Variants in CACNA2D2 observed in about 807,000 individuals in gnomAD.
CACNA2D2 encodes the protein calcium voltage-gated channel auxiliary subunit alpha2delta 2, also known as voltage-dependent calcium channel subunit alpha-2/delta-2.
A neutral mutation model predicts 166.4 loss-of-function variants in CACNA2D2; 48 were observed. That is an observed-to-expected ratio of 0.29 (90% CI 0.23 to 0.37). The LOEUF is 0.37. Ranked by LOEUF, CACNA2D2 falls within the 10% of genes least tolerant of loss-of-function variation. The pLI, the probability that CACNA2D2 is intolerant of heterozygous loss-of-function variation, is 1.00. For synonymous variants in CACNA2D2, 561 were observed against 573.7 expected (o/e 0.98, Z 0.32); for missense variants, 1,122 against 1,433.0 (o/e 0.78, Z 3.50).
intron 1 of CACNA2D2, among the ~76,000 whole-genome samples, chr3:50,496,116 C>T (rs1026651941): frequency 3.9e-5 from 6 of 152,212 alleles, no homozygotes; most frequent in East Asian, 1.9e-4. Flanking sequence ...TTTGCCCAGC[C>T]GAGCCCTGGC....
chr3:50,434,528 T>C, intron 2 of CACNA2D2, 99 bp from the exon 3 acceptor site: 1 of 853,016 alleles, frequency 1.2e-6, no homozygotes, highest in South Asian at 1.4e-5. Flanking sequence ...CAGCACAGTA[T>C]TCACCCGCAC....
At chr3:50,474,844 T>C (rs1467824014) in intron 2 of CACNA2D2, among the ~76,000 whole-genome samples, 1 of 152,126 alleles carries the variant, frequency 6.6e-6, no homozygotes, top group Admixed American at 6.5e-5. Context: ...TCTACAGCAC[T>C]TTCTCTGGAA....
chr3:50,442,423 T>C (rs1199051247), intron 2 of CACNA2D2, among the ~76,000 whole-genome samples: 2 of 152,212 alleles, frequency 1.3e-5, no homozygotes, highest in Non-Finnish European at 2.9e-5. Flanking sequence ...GCAGCTTCCC[T>C]GAGCCCCTGC....
chr3:50,480,641 C>T (rs1381176625), intron 1 of CACNA2D2, among the ~76,000 whole-genome samples: 1 of 150,954 alleles, frequency 6.6e-6, no homozygotes, highest in Non-Finnish European at 1.5e-5. Flanking sequence ...CACTAACAGG[C>T]AAGGGAGTGA....
rs1559876868 is a variant in CACNA2D2, at chr3:50,367,954, G to A, written c.2144-52C>T. ...TGGGGGCATCTTCTTGCAGCTCCTT[G>A]CCCACCCTCACCCCCACCCTTAAGG... On this transcript the variant is annotated intron_variant, in intron 24 of 37. Transcript: ENST00000424201. The surrounding 1 kb of genome is among the most constrained non-coding windows in gnomAD (Gnocchi z 6.5). The A allele has an allele frequency of 1.5e-6, 2 of 1,366,504 alleles. No homozygotes were observed. The highest frequency in any genetic ancestry group is 2.1e-6 in the Non-Finnish European group (2 of 971,110). The allele number at this position is 1,366,504 out of a possible 1,614,324, so 84.6% of individuals were successfully genotyped here. A position where few individuals can be genotyped will look rare whatever the true frequency, so the allele number is the denominator to read the frequency against.
At chr3:50,398,682 T>C (rs1706282340) in intron 3 of CACNA2D2, among the ~76,000 whole-genome samples, 1 of 152,138 alleles carries the variant, frequency 6.6e-6, no homozygotes, top group Non-Finnish European at 1.5e-5. Context: ...AAGTCACTGA[T>C]GGTGCCTTGC....
rs1159009580 is a variant in CACNA2D2 at position 50,380,309 on chromosome 3, T to C, written c.843-291A>G. On this transcript the variant is annotated intron_variant, in intron 8 of 37. Transcript: ENST00000424201. This position sits in a 1 kb window ranked among gnomAD's most constrained non-coding sequence, Gnocchi z 4.9. ...GGCTTCAGTGGCTTGTTGTGTCCTC[T>C]GCCTCAGGTTGGGGCCCCGAGGGCA... Among the ~76,000 whole-genome samples the C allele has an allele frequency of 2.0e-5, 3 of 152,198 alleles. No individual in the cohort carries two copies. The highest frequency in any genetic ancestry group is 4.4e-5 in the Non-Finnish European group (3 of 68,038).
chr3:50,374,800 G>T lies in CACNA2D2; in HGVS notation c.1921C>A (p.Leu641Ile). Reference protein sequence around the residue: ...RSTNYSLGLVLPPYSTFYLQA... With the variant: ...RSTNYSLGLVIPPYSTFYLQA... ...AGGTAGAAGGTGCTGTAGGGTGGGA[G>T]CACCAGCCCCAGGCTGAGGGGGGAG... The change falls in exon 22 of 38, where the codon CTC (leucine) becomes ATC (isoleucine). Residue 641 changes from leucine to isoleucine, a missense_variant. By Grantham distance (5) the Leu-to-Ile change is conservative. Transcript: ENST00000424201. 1 of 1,591,102 alleles carries T rather than the reference G, an allele frequency of 6.3e-7. No individual in the cohort carries two copies. The highest frequency in any genetic ancestry group is 8.5e-7 in the Non-Finnish European group (1 of 1,169,868).
At chr3:50,460,089 C>CTAAA (rs746122660) in intron 2 of CACNA2D2, among the ~76,000 whole-genome samples, 4 of 151,890 alleles carry the variant, frequency 2.6e-5, no homozygotes, top group Admixed American at 1.3e-4. Flanking sequence ...TTTTTAAATA[C>CTAAA]TAAATAAATA....
At chr3:50,402,383 A>G (rs539000939) in intron 3 of CACNA2D2, among the ~76,000 whole-genome samples, 4 of 152,336 alleles carry the variant, frequency 2.6e-5, no homozygotes, top group Non-Finnish European at 5.9e-5. Flanking sequence ...GACCTGGACA[A>G]CCACGTGCTG....
chr3:50,444,943 C>A (rs998764882), intron 2 of CACNA2D2, among the ~76,000 whole-genome samples: 1 of 152,200 alleles, frequency 6.6e-6, no homozygotes, highest in Non-Finnish European at 1.5e-5. Flanking sequence ...ACTGACCTCA[C>A]CACATTCACA....
In CACNA2D2 at chr3:50,363,267, C is replaced by T; in HGVS notation, c.*1399G>A. On this transcript the variant is annotated 3_prime_UTR_variant, in exon 38 of 38. Coordinates refer to ENST00000424201, the MANE Select transcript of CACNA2D2 (RefSeq NM_006030.4). ...CAGCAGTGGGCATGGACCACACACA[C>T]ACACTGAGAAAGCGACAAGCAACAT... 2.5e-6 allele frequency: 1 copy of T among 398,892 alleles called. No individual in the cohort carries two copies. The allele number at this position is 398,892 out of a possible 1,614,324, so 24.7% of individuals were successfully genotyped here.
At position 50,365,271 on chromosome 3, in the gene CACNA2D2, G is replaced by C. The variant is rs1704181745; in HGVS notation, c.3098+85C>G. The C allele has an allele frequency of 6.4e-7, 1 of 1,573,534 alleles. No homozygotes were observed. The highest frequency in any genetic ancestry group is 8.6e-7 in the Non-Finnish European group (1 of 1,160,018). The stretch of plus-strand genomic sequence containing the variant: ...GCGGCCCCGCCCCCGGCCGCTCGGA[G>C]GCCCCGCCCCTTCCATCCTCCCGAG... On this transcript the variant is annotated intron_variant, in intron 35 of 37. Transcript: ENST00000424201. The surrounding 1 kb of genome is among the most constrained non-coding windows in gnomAD (Gnocchi z 4.5).
At chr3:50,481,299 G>A (rs1017514807) in intron 1 of CACNA2D2, among the ~76,000 whole-genome samples, 20 of 152,100 alleles carry the variant, frequency 1.3e-4, no homozygotes, top group Non-Finnish European at 2.4e-4. Context: ...CGGAACACCC[G>A]AGCTCTGCCT....
At chr3:50,432,277 G>A (rs1393584670) in intron 3 of CACNA2D2, among the ~76,000 whole-genome samples, 1 of 152,206 alleles carries the variant, frequency 6.6e-6, no homozygotes, top group African/African-American at 2.4e-5. Context: ...TGGGCCCTGG[G>A]CTCCACGCAT....
chr3:50,466,602 C>G (rs150121509), intron 2 of CACNA2D2, among the ~76,000 whole-genome samples: 1 of 152,226 alleles, frequency 6.6e-6, no homozygotes, highest in Non-Finnish European at 1.5e-5. Flanking sequence ...TGCTCACATT[C>G]CCCATGCAGC....
intron 6 of CACNA2D2, among the ~76,000 whole-genome samples, chr3:50,381,572 A>G (rs745893158): frequency 1.9e-4 from 28 of 145,622 alleles, no homozygotes; most frequent in Admixed American, 3.6e-4. Context: ...GGAATTATTC[A>G]GCTATTAAGT....
intron 22 of CACNA2D2, among the ~76,000 whole-genome samples, chr3:50,370,906 G>C (rs887632505): frequency 9.0e-4 from 137 of 152,166 alleles, no homozygotes; most frequent in Non-Finnish European, 5.0e-4. Context: ...TTTGCGTTTT[G>C]GTAGGTCTTG....
At chr3:50,413,849 A>AAATAAATAAAT in intron 3 of CACNA2D2, among the ~76,000 whole-genome samples, 1 of 151,278 alleles carries the variant, frequency 6.6e-6, no homozygotes, top group African/African-American at 2.4e-5. Context: ...TCCGTCTCAA[A>AAATAAATAAAT]AAATAAATAA....
Sources: gnomAD v4.1 joint callset for allele counts (sites outside exome capture counted in the v4.1 genomes callset) on GRCh38, gnomAD v4.1.1 for gene constraint, Gnocchi (gnomAD v3.1) non-coding constraint, MANE v1.5 for transcripts, NCBI Gene and HGNC (gene_info 2026-07-23, HGNC 2026-07-21) for gene names.